Variants in CMTR2 observed in about 807,000 individuals in gnomAD.
The protein encoded by CMTR2 is cap-specific mRNA (nucleoside-2'-O-)-methyltransferase 2.
A neutral mutation model predicts 49.8 loss-of-function variants in CMTR2; 40 were observed. The ratio of observed to expected loss-of-function variants is 0.80; its 90% CI spans 0.62 to 1.04. CMTR2 has a LOEUF of 1.04. Among genes scored for constraint, CMTR2 ranks in the 50% least tolerant of loss-of-function variants. The pLI is 0.00. For missense variants in CMTR2, 907 were observed against 897.2 expected (o/e 1.01, Z -0.14); for synonymous variants, 326 against 315.8 (o/e 1.03, Z -0.34).
rs1187469975 is a variant in CMTR2, at chr16:71,282,203, C to T, written c.*1405G>A. The T allele has an allele frequency of 6.6e-6, 1 of 151,954 alleles. No homozygotes were observed. Among genetic ancestry groups the T allele is most frequent in the Non-Finnish European group, 1.5e-5 (1 of 67,918 alleles). 9.4% of individuals were successfully genotyped at this position (151,954 alleles called of 1,614,324 possible). A position where few individuals can be genotyped will look rare whatever the true frequency, so the allele number is the denominator to read the frequency against. ...ATGCAAATCAGAGAAAATGAAAGAACATTAACTATCATTCAAAACTCCCTT... is the reference window on the plus strand; with the variant it reads ...ATGCAAATCAGAGAAAATGAAAGAATATTAACTATCATTCAAAACTCCCTT... On this transcript the variant is annotated 3_prime_UTR_variant, in exon 3 of 3. Coordinates refer to ENST00000434935, the MANE Select transcript of CMTR2 (RefSeq NM_018348.6).
At chr16:71,286,419 G>A (rs2041727378) in intron 2 of CMTR2, 1 of 150,362 alleles carries the variant, frequency 6.7e-6, no homozygotes, top group African/African-American at 2.5e-5. Context: ...CATGACCTTT[G>A]TTCAAGCTCT....
chr16:71,285,512 T>C lies in CMTR2; in HGVS notation c.409A>G (p.Lys137Glu). The change falls in exon 3 of 3, where the codon AAA becomes GAA. Residue 137 changes from lysine (K) to glutamate (E), a missense_variant. Transcript: ENST00000434935. ...TCACAAAGGTGTAGAGAATTCAGTT[T>C]TCCATTCTGAAAAGCTTCCTGTGGA... Reference protein sequence around the residue: ...LIPQEAFQNGKLNSLHLCEAP... With the variant: ...LIPQEAFQNGELNSLHLCEAP... The C allele has an allele frequency of 1.2e-6, 2 of 1,613,964 alleles. No individual in the cohort carries two copies. Among genetic ancestry groups the C allele is most frequent in the African/African-American group, 1.3e-5 (1 of 75,022 alleles).
Position 71,285,245 on chromosome 16 carries a change from T to G in CMTR2, c.676A>C (p.Met226Leu), listed in dbSNP as rs2041699126. 6.2e-7 allele frequency: 1 copy of G among 1,614,024 alleles called. No individual in the cohort carries two copies. Among genetic ancestry groups the G allele is most frequent in the African/African-American group, 1.3e-5 (1 of 75,054 alleles). Reference sequence around the variant, plus strand: ...GCAGTGACCAAGTGAACAGTAGCCATGCTGCTTATGAAATTCTGAAGTCCA... The same window carrying G: ...GCAGTGACCAAGTGAACAGTAGCCAGGCTGCTTATGAAATTCTGAAGTCCA... Reference protein sequence around the residue: ...LTGLQNFISSMATVHLVTADG... With the variant: ...LTGLQNFISSLATVHLVTADG... The change falls in exon 3 of 3, where the codon ATG (methionine) becomes CTG (leucine). Residue 226 changes from methionine (M) to leucine (L), a missense_variant. By Grantham distance (15) the Met-to-Leu change is conservative. Coordinates refer to ENST00000434935, the MANE Select transcript of CMTR2 (RefSeq NM_018348.6).
chr16:71,281,830 A>AC lies in CMTR2; in HGVS notation c.*1777dup, dbSNP rs2144829783. On this transcript the variant is annotated 3_prime_UTR_variant, in exon 3 of 3. Coordinates refer to ENST00000434935, the MANE Select transcript of CMTR2 (RefSeq NM_018348.6). ...AGACAGTAATAATGCTAGAATCTGG[A>AC]CCCATGCCTTCAACTTCATTCTTAT... is the stretch of plus-strand genomic sequence containing the variant. 1 of 152,162 alleles carries AC rather than the reference A, an allele frequency of 6.6e-6. No individual in the cohort carries two copies. The highest frequency in any genetic ancestry group is 2.1e-4 in the South Asian group (1 of 4,832). The allele number at this position is 152,162 out of a possible 1,614,324, so 9.4% of individuals were successfully genotyped here.
rs1235197057 is a variant in CMTR2 at position 71,283,448 on chromosome 16, G to C, written c.*160C>G. On this transcript the variant is annotated 3_prime_UTR_variant, in exon 3 of 3. Transcript: ENST00000434935. Reference sequence around the variant, plus strand: ...TATGCCTGTGGGTGTATATACCCTAGAGATCAGAATGGATGGTTTTCCAGA... The same window carrying C: ...TATGCCTGTGGGTGTATATACCCTACAGATCAGAATGGATGGTTTTCCAGA... 3 of 808,038 alleles carry C rather than the reference G, an allele frequency of 3.7e-6. No homozygotes were observed. The highest frequency in any genetic ancestry group is 3.5e-5 in the African/African-American group (2 of 57,372). The allele number at this position is 808,038 out of a possible 1,614,324, so 50.1% of individuals were successfully genotyped here.
Position 71,284,424 on chromosome 16 carries a change from T to C in CMTR2, c.1497A>G (p.Gly499=), listed in dbSNP as rs1488690237. 1.9e-6 allele frequency: 3 copies of C among 1,613,790 alleles called. No individual in the cohort carries two copies. The Admixed American group carries it at 5.0e-5, about 27-fold the overall frequency. ...AACATTTTACCTTTGGCAGTTTCTT[T>C]CCCTCCAAAATATGCCATAAGTGAC... The part of the protein sequence containing the change: ...LECHLWHILE[G]KKLPKVKCSP... Residue 499 remains glycine (G), a synonymous_variant, in exon 3 of 3, where the codon GGA becomes GGG. Coordinates refer to ENST00000434935, the MANE Select transcript of CMTR2 (RefSeq NM_018348.6).
chr16:71,288,339 C>G (rs1048712413), intron 2 of CMTR2: 1 of 152,204 alleles, frequency 6.6e-6, no homozygotes, highest in Non-Finnish European at 1.5e-5. Context: ...TGCCTCTTAC[C>G]TCGCTGTATT....
In CMTR2 at chr16:71,285,335, T is replaced by C. The variant is rs749659113; in HGVS notation, c.586A>G (p.Thr196Ala). The change falls in exon 3 of 3, where the codon ACC (threonine) becomes GCC (alanine). Residue 196 changes from threonine to alanine, a missense_variant. Coordinates refer to ENST00000434935, the MANE Select transcript of CMTR2 (RefSeq NM_018348.6). ...GGACCAAAGTACCACCAGTGCAAGGTATTTGCAATAAGCCGGTCATCCATA... is the reference window on the plus strand; with the variant it reads ...GGACCAAAGTACCACCAGTGCAAGGCATTTGCAATAAGCCGGTCATCCATA... ...MIMDDRLIAN[T>A]LHWWYFGPDN... The C allele has an allele frequency of 6.2e-7, 1 of 1,614,088 alleles. No individual in the cohort carries two copies. Among genetic ancestry groups the C allele is most frequent in the Non-Finnish European group, 8.5e-7 (1 of 1,179,966 alleles).
chr16:71,285,532 T>A lies in CMTR2; in HGVS notation c.389A>T (p.Gln130Leu), dbSNP rs2041708597. 1.2e-6 allele frequency: 2 copies of A among 1,613,840 alleles called. No individual in the cohort carries two copies. Among genetic ancestry groups the A allele is most frequent in the Non-Finnish European group, 1.7e-6 (2 of 1,179,924 alleles). The change falls in exon 3 of 3, where the codon CAG (glutamine) becomes CTG (leucine). Residue 130 changes from glutamine to leucine, a missense_variant. By Grantham distance (113) the Gln-to-Leu change is moderately radical. Coordinates refer to ENST00000434935, the MANE Select transcript of CMTR2 (RefSeq NM_018348.6). ...EILCSFPLIPQEAFQNGKLNS... is the reference protein window; with the variant it reads ...EILCSFPLIPLEAFQNGKLNS... ...CAGTTTTCCATTCTGAAAAGCTTCC[T>A]GTGGAATAAGTGGAAAGCTGCACAA...
In CMTR2 at chr16:71,284,650, C is replaced by T. The variant is rs1567505743; in HGVS notation, c.1271G>A (p.Ser424Asn). 1 of 1,612,684 alleles carries T rather than the reference C, an allele frequency of 6.2e-7. No individual in the cohort carries two copies. The highest frequency in any genetic ancestry group is 1.7e-5 in the Admixed American group (1 of 59,784). Reference protein sequence around the residue: ...SRNNWLVKKSSIGCSTNTKWF... With the variant: ...SRNNWLVKKSNIGCSTNTKWF... ...TTTTGTATTTGTACTACAACCAATACTAGATTTTTTTACTAGCCAATTATT... is the reference window on the plus strand; with the variant it reads ...TTTTGTATTTGTACTACAACCAATATTAGATTTTTTTACTAGCCAATTATT... Residue 424 changes from serine (S) to asparagine (N), a missense_variant, in exon 3 of 3, where the codon AGT becomes AAT. By Grantham distance (46) the Ser-to-Asn change is conservative. Coordinates refer to ENST00000434935, the MANE Select transcript of CMTR2 (RefSeq NM_018348.6).
At position 71,283,795 on chromosome 16, in the gene CMTR2, A is replaced by G; in HGVS notation, c.2126T>C (p.Leu709Ser). ...TGAGTCAGAGTTGAGCAAAGTGCTC[A>G]ACAATTCATTCACACTCTGCAAATA... ...FRYLQSVNEL[L>S]STLLNSDSPQ... The change falls in exon 3 of 3, where the codon TTG becomes TCG. Residue 709 changes from leucine to serine, a missense_variant. Leu to Ser is a moderately radical substitution (Grantham distance 145). Transcript: ENST00000434935. 1 of 1,614,010 alleles carries G rather than the reference A, an allele frequency of 6.2e-7. No individual in the cohort carries two copies. Among genetic ancestry groups the G allele is most frequent in the Non-Finnish European group, 8.5e-7 (1 of 1,179,938 alleles).
Position 71,285,418 on chromosome 16 carries a change from C to A in CMTR2, c.503G>T (p.Ser168Ile). The A allele has an allele frequency of 9.3e-6, 15 of 1,614,140 alleles. No homozygotes were observed. Among genetic ancestry groups the A allele is most frequent in the Non-Finnish European group, 1.3e-5 (15 of 1,179,984 alleles). Residue 168 changes from serine (S) to isoleucine (I), a missense_variant, in exon 3 of 3, where the codon AGT becomes ATT. Coordinates refer to ENST00000434935, the MANE Select transcript of CMTR2 (RefSeq NM_018348.6). ...LKSHRFPCHW[S>I]WVANTLNPYH... ...TGGATTCAGAGTATTCGCTACCCAA[C>A]TCCAATGACAAGGAAACCGATGGGA...
At chr16:71,287,055 T>C (rs2041739221) in intron 2 of CMTR2, 1 of 152,156 alleles carries the variant, frequency 6.6e-6, no homozygotes, top group African/African-American at 2.4e-5. Flanking sequence ...TGGTACCTGT[T>C]AGTGCAATGT....
chr16:71,288,967 G>C (rs989638396), intron 1 of CMTR2, 30 bp from the exon 2 acceptor site: 1 of 152,288 alleles, frequency 6.6e-6, no homozygotes, highest in African/African-American at 2.4e-5. Context: ...TGAGTATCCA[G>C]GGCTGACTTT....
In CMTR2 at chr16:71,285,750, G is replaced by A; in HGVS notation, c.171C>T (p.His57=). Residue 57 remains histidine (H), a synonymous_variant, in exon 3 of 3, where the codon CAC becomes CAT. Coordinates refer to ENST00000434935, the MANE Select transcript of CMTR2 (RefSeq NM_018348.6). Reference sequence around the variant, plus strand: ...AATCAAGAAATGCATTAAGTTCAGTGTGGTCACAGGTGAAAATCTCACTGG... The same window carrying A: ...AATCAAGAAATGCATTAAGTTCAGTATGGTCACAGGTGAAAATCTCACTGG... ...PDPSEIFTCD[H]TELNAFLDLK... 1 of 1,613,752 alleles carries A rather than the reference G, an allele frequency of 6.2e-7. No homozygotes were observed. The highest frequency in any genetic ancestry group is 8.5e-7 in the Non-Finnish European group (1 of 1,179,804).
chr16:71,288,607 G>C (rs933591154), intron 2 of CMTR2: 2 of 149,250 alleles, frequency 1.3e-5, no homozygotes, highest in African/African-American at 5.0e-5. Context: ...GTCATTAATA[G>C]TGCACCTCAA....
Position 71,285,331 on chromosome 16 carries a change from A to C in CMTR2, c.590T>G (p.Leu197Trp). ...ATCTGGACCAAAGTACCACCAGTGC[A>C]AGGTATTTGCAATAAGCCGGTCATC... ...IMDDRLIANTLHWWYFGPDNT... is the reference protein window; with the variant it reads ...IMDDRLIANTWHWWYFGPDNT... Residue 197 changes from leucine to tryptophan, a missense_variant, in exon 3 of 3, where the codon TTG becomes TGG. By Grantham distance (61) the Leu-to-Trp change is moderately conservative. Transcript: ENST00000434935. 6.2e-7 allele frequency: 1 copy of C among 1,614,136 alleles called. No individual in the cohort carries two copies. The highest frequency in any genetic ancestry group is 8.5e-7 in the Non-Finnish European group (1 of 1,179,978).
chr16:71,285,437 G>T lies in CMTR2; in HGVS notation c.484C>A (p.Arg162=), dbSNP rs1201464548. 10 of 1,613,974 alleles carry T rather than the reference G, an allele frequency of 6.2e-6. No individual in the cohort carries two copies. The highest frequency in any genetic ancestry group is 8.5e-6 in the Non-Finnish European group (10 of 1,179,966). ...ACCCAACTCCAATGACAAGGAAACC[G>T]ATGGGATTTTAAGTAGTGGTTGAGA... is the stretch of plus-strand genomic sequence containing the variant. ...ASLNHYLKSH[R]FPCHWSWVAN... The change falls in exon 3 of 3, where the codon CGG becomes AGG. Residue 162 remains arginine (R), a synonymous_variant. Transcript: ENST00000434935.
chr16:71,287,236 T>C (rs1598120231), intron 2 of CMTR2: 1 of 152,332 alleles, frequency 6.6e-6, no homozygotes, highest in Middle Eastern at 3.4e-3. Flanking sequence ...CAAAGGGAAC[T>C]ACTGCTGTAA....
Sources: allele counts gnomAD v4.1 joint callset, GRCh38; gene constraint gnomAD v4.1.1; transcripts MANE v1.5; gene names NCBI Gene and HGNC (gene_info 2026-07-23, HGNC 2026-07-21).